NFIX: variants seen among roughly 807,000 people sequenced by gnomAD.
The protein encoded by NFIX is nuclear factor 1 X-type.
A neutral mutation model predicts 53.3 loss-of-function variants in NFIX; 2 were observed. The observed-to-expected ratio is 0.04, with a 90% CI of 0.02 to 0.12. The LOEUF (loss-of-function observed/expected upper bound fraction) is 0.12, where lower values mean the gene tolerates loss of function less well. NFIX is among the 10% of genes least tolerant of loss of function. NFIX has a pLI of 1.00. For synonymous variants in NFIX, 244 were observed against 289.0 expected (o/e 0.84, Z 1.58); for missense variants, 310 against 674.5 (o/e 0.46, Z 5.99).
intron 10 of NFIX, among the ~76,000 whole-genome samples, chr19:13,091,098 G>A (rs1334478977): frequency 6.6e-6 from 1 of 152,176 alleles, no homozygotes; most frequent in African/African-American, 2.4e-5. Context: ...GTGCCCTTGG[G>A]GGCACAGGGA....
chr19:12,999,141 C>T (rs73006822), intron 1 of NFIX, among the ~76,000 whole-genome samples: 17,864 of 151,836 alleles, frequency 0.12, 1,320 homozygotes, highest in Middle Eastern at 0.35. Flanking sequence ...GCAGTTGGCT[C>T]GCTCAGGTGT....
In NFIX at chr19:13,089,524, C is replaced by G. The variant is rs1359231260; in HGVS notation, c.1403-775C>G. 6.6e-6 allele frequency among the ~76,000 whole-genome samples: 1 copy of G among 152,212 alleles called. No individual in the cohort carries two copies. The highest frequency in any genetic ancestry group is 1.5e-5 in the Non-Finnish European group (1 of 68,026). On this transcript the variant is annotated intron_variant, in intron 9 of 10. Transcript: ENST00000592199. This position sits in a 1 kb window ranked among gnomAD's most constrained non-coding sequence, Gnocchi z 4.8. ...CCTCCTCCTCCTCTATTGCCTTGGT[C>G]CTGGAACCACAGGCCTGTTGGACCT...
At chr19:13,031,334 T>C (rs1237843478) in intron 2 of NFIX, among the ~76,000 whole-genome samples, 3 of 152,116 alleles carry the variant, frequency 2.0e-5, no homozygotes, top group African/African-American at 2.4e-5. Context: ...AGAGGGGACC[T>C]AGAGGCCTGA....
chr19:13,092,901 C>G (rs1397649344), intron 10 of NFIX, among the ~76,000 whole-genome samples: 2 of 152,182 alleles, frequency 1.3e-5, no homozygotes, highest in African/African-American at 4.8e-5. Context: ...GTCAATTGAC[C>G]GGTTGGACTT....
At chr19:13,026,787 A>G (rs1568271121) in intron 2 of NFIX, among the ~76,000 whole-genome samples, 2 of 149,692 alleles carry the variant, frequency 1.3e-5, no homozygotes, top group Non-Finnish European at 3.0e-5. Flanking sequence ...CCACCATTCC[A>G]GTATTTTTTC....
At position 13,002,145 on chromosome 19, in the gene NFIX, G is replaced by A. The variant is rs1481177998; in HGVS notation, c.27+6281G>A. 3.3e-5 allele frequency among the ~76,000 whole-genome samples: 5 copies of A among 152,034 alleles called. No individual in the cohort carries two copies. Among genetic ancestry groups the A allele is most frequent in the African/African-American group, 9.7e-5 (4 of 41,408 alleles). ...CCCCTGGGCCACCCGCCATCCCTCCGAGGCTCTGAGGGCGCGGATTTGGAA... is the reference window on the plus strand; with the variant it reads ...CCCCTGGGCCACCCGCCATCCCTCCAAGGCTCTGAGGGCGCGGATTTGGAA... On this transcript the variant is annotated intron_variant, in intron 1 of 10. Coordinates refer to ENST00000592199, the MANE Select transcript of NFIX (RefSeq NM_001365902.3). The surrounding 1 kb of genome is among the most constrained non-coding windows in gnomAD (Gnocchi z 6.1).
Position 13,095,018 on chromosome 19 carries a change from A to C in NFIX, c.*369A>C. 2 of 248,642 alleles carry C rather than the reference A, an allele frequency of 8.0e-6. No homozygotes were observed. Among genetic ancestry groups the C allele is most frequent in the East Asian group, 9.5e-5 (1 of 10,556 alleles). The allele number at this position is 248,642 out of a possible 1,614,324, so 15.4% of individuals were successfully genotyped here. Reference sequence around the variant, plus strand: ...GGGGAAGGAACAAAGTCCCCAAACAAAGCAACCAGCACAATTCTGAAGGGG... The same window carrying C: ...GGGGAAGGAACAAAGTCCCCAAACACAGCAACCAGCACAATTCTGAAGGGG... On this transcript the variant is annotated 3_prime_UTR_variant, in exon 11 of 11. Coordinates refer to ENST00000592199, the MANE Select transcript of NFIX (RefSeq NM_001365902.3).
intron 1 of NFIX, among the ~76,000 whole-genome samples, chr19:13,017,195 G>A (rs980865099): frequency 1.3e-5 from 2 of 152,168 alleles, no homozygotes; most frequent in African/African-American, 4.8e-5. Flanking sequence ...GGGAGCCGGG[G>A]AGGGACGGAG....
chr19:13,073,625 G>A lies in NFIX; in HGVS notation c.697+129G>A. 1 of 876,882 alleles carries A rather than the reference G, an allele frequency of 1.1e-6. No homozygotes were observed. The highest frequency in any genetic ancestry group is 1.9e-6 in the Non-Finnish European group (1 of 537,124). 54.3% of individuals were successfully genotyped at this position (876,882 alleles called of 1,614,324 possible). A position where few individuals can be genotyped will look rare whatever the true frequency, so the allele number is the denominator to read the frequency against. On this transcript the variant is annotated intron_variant, in intron 4 of 10. Coordinates refer to ENST00000592199, the MANE Select transcript of NFIX (RefSeq NM_001365902.3). This position sits in a 1 kb window ranked among gnomAD's most constrained non-coding sequence, Gnocchi z 4.5. ...ACAGATGCTTTCTGGGACACTCTCG[G>A]CTTCACTGGTGCTGGGCTGGGTACA...
In NFIX at chr19:13,011,643, C is replaced by A. The variant is rs530771812; in HGVS notation, c.28-13378C>A. Among the ~76,000 whole-genome samples, 2 of 152,336 alleles carry A rather than the reference C, an allele frequency of 1.3e-5. No individual in the cohort carries two copies. The highest frequency in any genetic ancestry group is 1.3e-4 in the Admixed American group (2 of 15,310). On this transcript the variant is annotated intron_variant, in intron 1 of 10. Coordinates refer to ENST00000592199, the MANE Select transcript of NFIX (RefSeq NM_001365902.3). The surrounding 1 kb of genome is among the most constrained non-coding windows in gnomAD (Gnocchi z 6.5). ...GTTAGATGGTACTCCAGCGTCTCCT[C>A]CGGGTCCCCGGAAGAGAGAAGCTGG... is the stretch of plus-strand genomic sequence containing the variant.
intron 2 of NFIX, among the ~76,000 whole-genome samples, chr19:13,065,131 T>C (rs968085208): frequency 6.6e-6 from 1 of 152,064 alleles, no homozygotes; most frequent in African/African-American, 2.4e-5. Flanking sequence ...TCGGCCCCTC[T>C]GTGCTGGGGC....
chr19:13,078,785 A>G lies in NFIX; in HGVS notation c.1078+50A>G. The G allele has an allele frequency of 6.4e-7, 1 of 1,557,954 alleles. No individual in the cohort carries two copies. The highest frequency in any genetic ancestry group is 8.7e-7 in the Non-Finnish European group (1 of 1,149,158). ...GGGGCAGTTGGGGAGGTGGCTGAGT[A>G]TCTAGGGGCAGCTGGCCAGGTGAAG... On this transcript the variant is annotated intron_variant, in intron 7 of 10. Transcript: ENST00000592199. This position sits in a 1 kb window ranked among gnomAD's most constrained non-coding sequence, Gnocchi z 4.7.
Position 13,011,439 on chromosome 19 carries a change from C to T in NFIX, c.28-13582C>T, listed in dbSNP as rs1321706985. ...GCCGCACGCTACCCGCCCTCCAGGCCTTCGCTCCAGGTGCGCCCGGGCGGT... is the reference window on the plus strand; with the variant it reads ...GCCGCACGCTACCCGCCCTCCAGGCTTTCGCTCCAGGTGCGCCCGGGCGGT... On this transcript the variant is annotated intron_variant, in intron 1 of 10. Transcript: ENST00000592199. This position sits in a 1 kb window ranked among gnomAD's most constrained non-coding sequence, Gnocchi z 6.5. Among the ~76,000 whole-genome samples the T allele has an allele frequency of 1.3e-5, 2 of 152,080 alleles. No homozygotes were observed. Among genetic ancestry groups the T allele is most frequent in the East Asian group, 3.9e-4 (2 of 5,178 alleles).
chr19:13,094,573 A>G lies in NFIX; in HGVS notation c.1495-62A>G. ...GAGGGGCCAGGTCACTGGGCCAGGT[A>G]GGAGTGAGATGGGACCTGCCCCAGC... is the stretch of plus-strand genomic sequence containing the variant. On this transcript the variant is annotated intron_variant, in intron 10 of 10. Coordinates refer to ENST00000592199, the MANE Select transcript of NFIX (RefSeq NM_001365902.3). The surrounding 1 kb of genome is among the most constrained non-coding windows in gnomAD (Gnocchi z 4.3). 6.6e-7 allele frequency: 1 copy of G among 1,518,342 alleles called. No homozygotes were observed. The highest frequency in any genetic ancestry group is 8.8e-7 in the Non-Finnish European group (1 of 1,131,574). The allele number at this position is 1,518,342 out of a possible 1,614,324, so 94.1% of individuals were successfully genotyped here. A position where few individuals can be genotyped will look rare whatever the true frequency, so the allele number is the denominator to read the frequency against.
In NFIX at chr19:13,073,129, C is replaced by T. The variant is rs376766261; in HGVS notation, c.622+20C>T. The stretch of plus-strand genomic sequence containing the variant: ...CCAACGGTCAGTGCCCCCCACCTGC[C>T]CAGCTGCCCTTATCCTTCATGCCCC... On this transcript the variant is annotated intron_variant, in intron 3 of 10. Coordinates refer to ENST00000592199, the MANE Select transcript of NFIX (RefSeq NM_001365902.3). This position sits in a 1 kb window ranked among gnomAD's most constrained non-coding sequence, Gnocchi z 4.5. 2 of 1,613,186 alleles carry T rather than the reference C, an allele frequency of 1.2e-6. No homozygotes were observed. The highest frequency in any genetic ancestry group is 1.7e-6 in the Non-Finnish European group (2 of 1,179,286).
rs2016423107 is a variant in NFIX at position 13,066,663 on chromosome 19, A to G, written c.560-6384A>G. On this transcript the variant is annotated intron_variant, in intron 2 of 10. Coordinates refer to ENST00000592199, the MANE Select transcript of NFIX (RefSeq NM_001365902.3). The surrounding 1 kb of genome is among the most constrained non-coding windows in gnomAD (Gnocchi z 4.2). ...CTTGTTCAGGCTCCGGCTTTAAACC[A>G]TGTGAGACTCTAGGGATGACAGAGG... Among the ~76,000 whole-genome samples, 1 of 152,084 alleles carries G rather than the reference A, an allele frequency of 6.6e-6. No homozygotes were observed. The highest frequency in any genetic ancestry group is 1.5e-5 in the Non-Finnish European group (1 of 67,998).
intron 1 of NFIX, among the ~76,000 whole-genome samples, chr19:13,010,318 CT>C (rs1210879050): frequency 6.6e-6 from 1 of 152,248 alleles, no homozygotes; most frequent in Non-Finnish European, 1.5e-5. Context: ...CGCACACCCC[CT>C]GGCCCTGCGG....
At chr19:13,041,457 T>G (rs2014612933) in intron 2 of NFIX, among the ~76,000 whole-genome samples, 1 of 152,202 alleles carries the variant, frequency 6.6e-6, no homozygotes, top group Non-Finnish European at 1.5e-5. Context: ...ACATATTTTA[T>G]TTTTTACTGG....
Position 13,072,768 on chromosome 19 carries a change from A to G in NFIX, c.560-279A>G, listed in dbSNP as rs1263601511. Among the ~76,000 whole-genome samples, 1 of 152,014 alleles carries G rather than the reference A, an allele frequency of 6.6e-6. No homozygotes were observed. The highest frequency in any genetic ancestry group is 1.5e-5 in the Non-Finnish European group (1 of 67,980). On this transcript the variant is annotated intron_variant, in intron 2 of 10. Transcript: ENST00000592199. The surrounding 1 kb of genome is among the most constrained non-coding windows in gnomAD (Gnocchi z 4.0). ...TGGAGGCCAGGGATGCTGCTCAGATACCCCACAGTGCACAGGATGGTCCCC... is the reference window on the plus strand; with the variant it reads ...TGGAGGCCAGGGATGCTGCTCAGATGCCCCACAGTGCACAGGATGGTCCCC...
Sources: allele counts gnomAD v4.1 joint callset (sites outside exome capture counted in the v4.1 genomes callset), GRCh38; gene constraint gnomAD v4.1.1; non-coding constraint Gnocchi (gnomAD v3.1); transcripts MANE v1.5; gene names NCBI Gene and HGNC (gene_info 2026-07-23, HGNC 2026-07-21).